The following TASP1 variants were observed in gnomAD, a reference collection of about 807,000 sequenced individuals.
TASP1 encodes taspase 1, also known as threonine aspartase 1.
TASP1 carries 16 observed loss-of-function variants against 56.6 expected under a neutral mutation model. The observed-to-expected ratio is 0.28, with a 90% confidence interval of 0.19 to 0.43. The LOEUF is 0.43. Among genes scored for constraint, TASP1 ranks in the 20% least tolerant of loss-of-function variants. The pLI is 1.00. For missense variants in TASP1, 393 were observed against 511.6 expected (o/e 0.77, Z 2.24); for synonymous variants, 179 against 184.2 (o/e 0.97, Z 0.23).
the TASP1 span, among the ~76,000 whole-genome samples, chr20:13,381,152 G>A: frequency 6.6e-6 from 1 of 152,208 alleles, no homozygotes; most frequent in Non-Finnish European, 1.5e-5. Context: ...CTAGCTCGGT[G>A]TCTGCCCAAA....
the TASP1 span, among the ~76,000 whole-genome samples, chr20:13,149,872 G>T: frequency 2.8e-3 from 432 of 152,290 alleles, 8 homozygotes; most frequent in African/African-American, 9.9e-3. Context: ...TTATAGGCAA[G>T]CGCAAAGATA....
the TASP1 span, among the ~76,000 whole-genome samples, chr20:13,220,295 A>C: frequency 6.6e-6 from 1 of 152,192 alleles, no homozygotes; most frequent in Non-Finnish European, 1.5e-5. Context: ...GGTGCCACGG[A>C]CCGACACAGT....
intron 2 of TASP1, among the ~76,000 whole-genome samples, chr20:13,628,763 A>C (rs2048985578): frequency 6.6e-6 from 1 of 152,094 alleles, no homozygotes. Flanking sequence ...TGGAAAGTAG[A>C]CTCTGAATAC....
At chr20:13,144,338 A>G in the TASP1 span, among the ~76,000 whole-genome samples, 1 of 152,248 alleles carries the variant, frequency 6.6e-6, no homozygotes, top group Admixed American at 6.5e-5. Flanking sequence ...TCCACTGAAC[A>G]CAACAGCCAC....
At chr20:13,188,340 A>C in the TASP1 span, among the ~76,000 whole-genome samples, 1 of 152,224 alleles carries the variant, frequency 6.6e-6, no homozygotes, top group African/African-American at 2.4e-5. Flanking sequence ...AAATTGAGTA[A>C]AGTTGCAGGA....
intron 1 of TASP1, among the ~76,000 whole-genome samples, chr20:13,633,844 A>T (rs1246027125): frequency 6.6e-6 from 1 of 152,048 alleles, no homozygotes; most frequent in Non-Finnish European, 1.5e-5. Context: ...AAAAAAAAAA[A>T]CTTCTATCAA....
the TASP1 span, among the ~76,000 whole-genome samples, chr20:13,267,677 CTT>C: frequency 1.3e-5 from 2 of 152,208 alleles, no homozygotes; most frequent in African/African-American, 4.8e-5. Context: ...ATCAATCAGA[CTT>C]AGTCCCTGTT....
the TASP1 span, among the ~76,000 whole-genome samples, chr20:13,190,129 A>C: frequency 6.6e-6 from 1 of 152,178 alleles, no homozygotes; most frequent in African/African-American, 2.4e-5. Flanking sequence ...AGATAGGAAC[A>C]ATACACAGTG....
intron 12 of TASP1, among the ~76,000 whole-genome samples, chr20:13,433,542 T>A (rs866217474): frequency 0.046 from 3,833 of 82,510 alleles, 196 homozygotes; most frequent in African/African-American, 0.14. Context: ...AAAAAAAAAA[T>A]ACAGCTGGTG....
chr20:13,279,767 C>G, the TASP1 span: 1 of 1,614,032 alleles, frequency 6.2e-7, no homozygotes, highest in Non-Finnish European at 8.5e-7. Context: ...TTGGCCAGGG[C>G]AAACAGCGGG....
chr20:13,393,111 G>A (rs2041356779), intron 13 of TASP1: 6 of 631,920 alleles, frequency 9.5e-6, no homozygotes, highest in South Asian at 1.5e-5. Flanking sequence ...TCTCAAGATC[G>A]TCAGCAATGC....
chr20:13,581,921 C>T (rs1460624375), intron 5 of TASP1, among the ~76,000 whole-genome samples: 2 of 152,110 alleles, frequency 1.3e-5, no homozygotes, highest in Non-Finnish European at 2.9e-5. Flanking sequence ...TGAGTTTTAA[C>T]ATGGAGGCAG....
chr20:13,556,811 C>T (rs768603231), intron 8 of TASP1, among the ~76,000 whole-genome samples: 15 of 152,206 alleles, frequency 9.9e-5, no homozygotes, highest in Non-Finnish European at 2.1e-4. Flanking sequence ...TAGGGGTCTC[C>T]GTTGACCATC....
At chr20:13,243,713 T>A in the TASP1 span, among the ~76,000 whole-genome samples, 37,557 of 151,954 alleles carry the variant, frequency 0.25, 4,689 homozygotes, top group African/African-American at 0.3. Context: ...GCATGCCCAA[T>A]ATTTTAAGCT....
chr20:13,244,873 G>A, the TASP1 span, among the ~76,000 whole-genome samples: 18 of 152,324 alleles, frequency 1.2e-4, 1 homozygote, highest in African/African-American at 4.3e-4. Flanking sequence ...TTTCCTGCCA[G>A]TTTTCTATTG....
intron 7 of TASP1, 121 bp from the exon 8 acceptor site, chr20:13,559,235 T>C: frequency 3.7e-6 from 2 of 539,614 alleles, no homozygotes; most frequent in Non-Finnish European, 6.1e-6. Flanking sequence ...AAATTAAGGG[T>C]TTAAAAAGTC....
chr20:13,287,824 T>A, the TASP1 span, among the ~76,000 whole-genome samples: 1 of 152,192 alleles, frequency 6.6e-6, no homozygotes, highest in African/African-American at 2.4e-5. Flanking sequence ...CGTAACAAAA[T>A]ATCCCAAAGT....
rs778197833 is a variant in TASP1 at position 13,625,190 on chromosome 20, G to C, written c.208C>G (p.Gln70Glu). The C allele has an allele frequency of 6.2e-7, 1 of 1,609,262 alleles. No individual in the cohort carries two copies. Among genetic ancestry groups the C allele is most frequent in the Non-Finnish European group, 8.5e-7 (1 of 1,178,078 alleles). ...EYKHVCKRACQKAIEKLQAGA... is the reference protein window; with the variant it reads ...EYKHVCKRACEKAIEKLQAGA... ...CATACACATTGTGTTCATACCTTCT[G>C]ACAAGCTCGTTTGCATACATGTTTA... The change falls in exon 3 of 14, where the codon CAG becomes GAG. Residue 70 changes from glutamine to glutamate, a missense_variant. Gln to Glu is a conservative substitution (Grantham distance 29). This residue lies in a region of TASP1 where 48 missense variants were observed against 106.2 expected (regional missense o/e 0.45). Transcript: ENST00000337743.
the TASP1 span, among the ~76,000 whole-genome samples, chr20:13,335,802 G>C: frequency 1.3e-5 from 2 of 151,896 alleles, no homozygotes; most frequent in Non-Finnish European, 2.9e-5. Context: ...AACAGCAAAA[G>C]CAAAAAGAAA....
Sources: allele counts gnomAD v4.1 joint callset (sites outside exome capture counted in the v4.1 genomes callset), GRCh38; gene constraint gnomAD v4.1.1; regional missense constraint gnomAD v4.1.1; transcripts MANE v1.5; gene names NCBI Gene and HGNC (gene_info 2026-07-23, HGNC 2026-07-21).